Variants in COP1 observed in about 807,000 individuals in gnomAD.
COP1 encodes COP1 E3 ubiquitin ligase.
COP1 carries 24 observed loss-of-function variants against 101.3 expected under a neutral mutation model. The ratio of observed to expected loss-of-function variants is 0.24; its 90% confidence interval spans 0.17 to 0.33. The LOEUF (loss-of-function observed/expected upper bound fraction) is 0.33. COP1 is among the 10% of genes least tolerant of loss of function. COP1 has a pLI of 1.00. For missense variants in COP1, 663 were observed against 906.2 expected, an observed-to-expected ratio of 0.73 and a Z score of 3.45; for synonymous variants, 347 against 341.9, an observed-to-expected ratio of 1.01 and a Z score of -0.17.
chr1:176,026,369 CT>C (rs1667659901), intron 15 of COP1, among the ~76,000 whole-genome samples: 2 of 151,854 alleles, frequency 1.3e-5, no homozygotes, highest in Non-Finnish European at 2.9e-5. Flanking sequence ...ACTATAAGAA[CT>C]TTACACAAAG....
intron 6 of COP1, among the ~76,000 whole-genome samples, chr1:176,148,208 A>G (rs1434780989): frequency 6.6e-6 from 1 of 152,166 alleles, no homozygotes; most frequent in Non-Finnish European, 1.5e-5. Context: ...CACATAAAAA[A>G]TATTTAGCTA....
At chr1:176,027,463 A>C in intron 15 of COP1, 109 bp downstream of exon 15, 1 of 729,140 alleles carries the variant, frequency 1.4e-6, no homozygotes, top group South Asian at 1.6e-5. Flanking sequence ...CTAATAATAA[A>C]AACAACATTT....
chr1:176,157,347 T>G (rs1693633424), intron 5 of COP1, among the ~76,000 whole-genome samples: 1 of 152,154 alleles, frequency 6.6e-6, no homozygotes, highest in African/African-American at 2.4e-5. Context: ...TCACAATCAA[T>G]TTCAAAGGAC....
intron 15 of COP1, among the ~76,000 whole-genome samples, chr1:176,023,443 G>A (rs909439321): frequency 6.6e-6 from 1 of 152,142 alleles, no homozygotes; most frequent in African/African-American, 2.4e-5. Flanking sequence ...AACAGGCCAG[G>A]CGTGGTGGCT....
chr1:176,182,975 A>G (rs1388333261), intron 2 of COP1, among the ~76,000 whole-genome samples: 1 of 152,236 alleles, frequency 6.6e-6, no homozygotes, highest in African/African-American at 2.4e-5. Context: ...AAAACTAGAT[A>G]AAGGTGGACA....
At chr1:176,183,235 A>C (rs1160333625) in intron 2 of COP1, among the ~76,000 whole-genome samples, 1 of 152,258 alleles carries the variant, frequency 6.6e-6, no homozygotes, top group East Asian at 1.9e-4. Flanking sequence ...TTCATGATGA[A>C]GGGATATAAA....
At chr1:176,106,634 A>G (rs1463330345) in intron 9 of COP1, among the ~76,000 whole-genome samples, 1 of 152,168 alleles carries the variant, frequency 6.6e-6, no homozygotes, top group Non-Finnish European at 1.5e-5. Context: ...GCAAGAGGAC[A>G]GCTTCAATTC....
intron 5 of COP1, among the ~76,000 whole-genome samples, chr1:176,153,816 G>C (rs1368075841): frequency 2.0e-5 from 3 of 152,142 alleles, no homozygotes; most frequent in Non-Finnish European, 2.9e-5. Context: ...GAATTTTGTT[G>C]AAAGTCTTTT....
chr1:176,114,757 T>G (rs951282499), intron 9 of COP1, among the ~76,000 whole-genome samples: 1 of 152,106 alleles, frequency 6.6e-6, no homozygotes, highest in African/African-American at 2.4e-5. Flanking sequence ...CCAACTAATT[T>G]TTTTGTTTTT....
chr1:175,997,738 C>G (rs371966942), intron 15 of COP1, among the ~76,000 whole-genome samples: 48 of 152,036 alleles, frequency 3.2e-4, no homozygotes, highest in Admixed American at 8.5e-4. Context: ...TCATTAAAAA[C>G]TCAGGAAACA....
At position 176,005,141 on chromosome 1, in the gene COP1, G is replaced by C. The variant is rs28881259; in HGVS notation, c.1730-15662C>G. Among the ~76,000 whole-genome samples the C allele has an allele frequency of 1.6e-4, 24 of 152,308 alleles. No homozygotes were observed. In the East Asian group the frequency reaches 4.4e-3, roughly 28 times the overall value. ...CTAGATTTTCTAGTTTATTTGTGTAGAGGTGTTTGTAGTATTCTCTGATGG... is the reference window on the plus strand; with the variant it reads ...CTAGATTTTCTAGTTTATTTGTGTACAGGTGTTTGTAGTATTCTCTGATGG... On this transcript the variant is annotated intron_variant, in intron 15 of 19. Transcript: ENST00000367669.
chr1:176,106,236 G>A (rs749584820), intron 9 of COP1, among the ~76,000 whole-genome samples: 28 of 151,940 alleles, frequency 1.8e-4, no homozygotes, highest in Non-Finnish European at 3.1e-4. Context: ...TCTCCATGTC[G>A]GCCAGGCTGG....
At chr1:176,136,396 C>T in intron 7 of COP1, 92 bp downstream of exon 7, 1 of 769,556 alleles carries the variant, frequency 1.3e-6, no homozygotes, top group Non-Finnish European at 2.2e-6. Context: ...TAAGACCAAT[C>T]CCATAAACTT....
intron 18 of COP1, among the ~76,000 whole-genome samples, chr1:175,973,565 T>C (rs1369084071): frequency 6.6e-6 from 1 of 152,216 alleles, no homozygotes; most frequent in Non-Finnish European, 1.5e-5. Context: ...GCTGTTCTTA[T>C]GAGATAACTT....
chr1:176,051,530 TTACTA>T (rs1228912395), intron 11 of COP1, among the ~76,000 whole-genome samples: 1 of 152,210 alleles, frequency 6.6e-6, no homozygotes, highest in Non-Finnish European at 1.5e-5. Context: ...GTTTGTGTAT[TTACTA>T]TACTATACAT....
At chr1:176,168,997 C>T (rs1360284930) in intron 3 of COP1, among the ~76,000 whole-genome samples, 3 of 152,088 alleles carry the variant, frequency 2.0e-5, no homozygotes, top group Admixed American at 6.5e-5. Context: ...AAATGCCTGA[C>T]TTGTTAATAG....
chr1:175,986,270 C>T (rs1304040912), intron 18 of COP1, among the ~76,000 whole-genome samples: 3 of 152,074 alleles, frequency 2.0e-5, no homozygotes, highest in Admixed American at 6.5e-5. Flanking sequence ...TTGCCCGCCT[C>T]GGCCTCCCAA....
intron 11 of COP1, among the ~76,000 whole-genome samples, chr1:176,056,433 G>A (rs1490357482): frequency 1.6e-5 from 2 of 125,832 alleles, no homozygotes; most frequent in African/African-American, 5.5e-5. Context: ...GTTAACACAG[G>A]GATTTTTTAA....
At chr1:176,166,833 A>G (rs1695224895) in intron 3 of COP1, among the ~76,000 whole-genome samples, 1 of 152,134 alleles carries the variant, frequency 6.6e-6, no homozygotes, top group African/African-American at 2.4e-5. Context: ...GCTACTCAGG[A>G]GGCCTAGGTG....
Sources: allele counts gnomAD v4.1 joint callset (sites outside exome capture counted in the v4.1 genomes callset), GRCh38; gene constraint gnomAD v4.1.1; transcripts MANE v1.5; gene names NCBI Gene and HGNC (gene_info 2026-07-23, HGNC 2026-07-21).